SYTL3: variants seen among roughly 807,000 people sequenced by gnomAD.
The protein encoded by SYTL3 is synaptotagmin like 3, also known as synaptotagmin-like protein 3.
In SYTL3, 88 loss-of-function variants were observed where a neutral mutation model predicts 82.1. That is an observed-to-expected ratio of 1.07 (90% CI 0.90 to 1.28). The LOEUF (loss-of-function observed/expected upper bound fraction) is 1.28, where lower values mean the gene tolerates loss of function less well. SYTL3 is among the 50% of genes most tolerant of loss of function. The pLI is 0.00. For missense variants in SYTL3, 831 were observed against 757.6 expected (o/e 1.10, Z -1.14); for synonymous variants, 311 against 289.4 (o/e 1.07, Z -0.76).
chr6:158,700,203 C>T (rs1197552566), intron 6 of SYTL3, among the ~76,000 whole-genome samples: 1 of 152,080 alleles, frequency 6.6e-6, no homozygotes, highest in Non-Finnish European at 1.5e-5. Flanking sequence ...TTGCGGTGAG[C>T]CGAGATCGCA....
chr6:158,712,453 T>C (rs1782858812), intron 8 of SYTL3, among the ~76,000 whole-genome samples: 1 of 152,154 alleles, frequency 6.6e-6, no homozygotes, highest in Admixed American at 6.5e-5. Context: ...AGTCCACCCC[T>C]TGTCAACCTG....
intron 6 of SYTL3, among the ~76,000 whole-genome samples, chr6:158,699,461 A>G (rs981263328): frequency 3.3e-5 from 5 of 152,114 alleles, no homozygotes; most frequent in African/African-American, 1.2e-4. Flanking sequence ...AGGCTGAGAA[A>G]TGGATGCATA....
intron 4 of SYTL3, 83 bp from the exon 5 acceptor site, chr6:158,665,312 G>A (rs1789902062): frequency 2.3e-6 from 3 of 1,326,848 alleles, no homozygotes; most frequent in Admixed American, 2.2e-5. Context: ...CTTGCCATGG[G>A]GGTTACTGCC....
At chr6:158,685,213 TCTC>T (rs1779159129) in intron 6 of SYTL3, among the ~76,000 whole-genome samples, 1 of 144,342 alleles carries the variant, frequency 6.9e-6, no homozygotes, top group African/African-American at 2.8e-5. Flanking sequence ...TCTCTCTCTC[TCTC>T]TTTTTTTTTT....
Position 158,666,901 on chromosome 6 carries a change from C to T in SYTL3, c.329+1288C>T, listed in dbSNP as rs561285349. 2.2e-4 allele frequency among the ~76,000 whole-genome samples: 34 copies of T among 152,342 alleles called. 1 individual carries two copies. Among genetic ancestry groups the T allele is most frequent in the Admixed American group, 1.8e-3 (27 of 15,310 alleles). On this transcript the variant is annotated intron_variant, in intron 5 of 17. Transcript: ENST00000611299. The stretch of plus-strand genomic sequence containing the variant: ...CCATTTCGCTCACAGCGTGCCAAGT[C>T]GCACGGACGGTGGCCGAATTCGCCT...
At chr6:158,723,310 T>C (rs1451673196) in intron 10 of SYTL3, among the ~76,000 whole-genome samples, 1 of 151,456 alleles carries the variant, frequency 6.6e-6, no homozygotes, top group Non-Finnish European at 1.5e-5. Flanking sequence ...TCTCCTGACC[T>C]CGTGATCTGC....
intron 11 of SYTL3, among the ~76,000 whole-genome samples, chr6:158,732,631 C>T (rs1436118239): frequency 6.6e-6 from 1 of 152,218 alleles, no homozygotes; most frequent in African/African-American, 2.4e-5. Flanking sequence ...CATCCAGCCT[C>T]CATCTTCCAA....
At chr6:158,651,347 C>G (rs992449945) in intron 1 of SYTL3, among the ~76,000 whole-genome samples, 6 of 152,104 alleles carry the variant, frequency 3.9e-5, no homozygotes, top group Admixed American at 3.9e-4. Flanking sequence ...CATCTCAGCA[C>G]TTTGGGAGGC....
At chr6:158,678,494 A>G (rs554518335) in intron 5 of SYTL3, among the ~76,000 whole-genome samples, 1 of 152,316 alleles carries the variant, frequency 6.6e-6, no homozygotes, top group Non-Finnish European at 1.5e-5. Flanking sequence ...TGGTGTTAGT[A>G]ATGAGGTCAA....
Position 158,721,946 on chromosome 6 carries a change from T to G in SYTL3, c.721-3557T>G, listed in dbSNP as rs117255992. 7.0e-3 allele frequency among the ~76,000 whole-genome samples: 1,064 copies of G among 152,216 alleles called. 7 individuals are homozygous for G. The highest frequency in any genetic ancestry group is 0.012 in the Non-Finnish European group (821 of 67,996). On this transcript the variant is annotated intron_variant, in intron 10 of 17. Transcript: ENST00000611299. The stretch of plus-strand genomic sequence containing the variant: ...TGCGCCTGGTCCAGGAGTACGTCTT[T>G]AAATAGAACATTCATCAGACTGCAA...
chr6:158,740,946 C>A (rs1264200819), intron 11 of SYTL3, among the ~76,000 whole-genome samples: 2 of 152,280 alleles, frequency 1.3e-5, no homozygotes, highest in East Asian at 3.9e-4. Context: ...CTGCATCCTT[C>A]TGGTTGTGTT....
At position 158,680,575 on chromosome 6, in the gene SYTL3, C is replaced by CAAAAAAAAAAA. The variant is rs71297002; in HGVS notation, c.330-2341_330-2331dup. ...GCAACATAGCAAAACCCCGTCTCTA[C>CAAAAAAAAAAA]AAAAAAAAAAAAAAAAAAACACAAA... On this transcript the variant is annotated intron_variant, in intron 5 of 17. Transcript: ENST00000611299. Among the ~76,000 whole-genome samples, 122 of 78,202 alleles carry CAAAAAAAAAAA rather than the reference C, an allele frequency of 1.6e-3. 1 individual carries two copies. Among genetic ancestry groups the CAAAAAAAAAAA allele is most frequent in the Middle Eastern group, 8.9e-3 (1 of 112 alleles). 51.3% of individuals were successfully genotyped at this position (78,202 alleles called of 152,430 possible). A position where few individuals can be genotyped will look rare whatever the true frequency, so the allele number is the denominator to read the frequency against.
upstream of SYTL3, among the ~76,000 whole-genome samples, chr6:158,646,422 A>C (rs1203582410): frequency 6.6e-6 from 1 of 152,236 alleles, no homozygotes; most frequent in Non-Finnish European, 1.5e-5. Flanking sequence ...CTCCAGCCTC[A>C]GCCTCCCAAA....
chr6:158,668,807 G>A (rs1211343783), intron 5 of SYTL3, among the ~76,000 whole-genome samples: 1 of 152,140 alleles, frequency 6.6e-6, no homozygotes, highest in African/African-American at 2.4e-5. Context: ...AAAAGAGAAA[G>A]GTGAAAAGTG....
At chr6:158,760,820 T>TG (rs1789816106) in intron 15 of SYTL3, 75 bp downstream of exon 15, 1 of 1,241,730 alleles carries the variant, frequency 8.1e-7, no homozygotes, top group East Asian at 2.3e-5. Flanking sequence ...CAGACTGAGG[T>TG]GGGGTGAAAG....
At chr6:158,680,325 G>A (rs1000623839) in intron 5 of SYTL3, among the ~76,000 whole-genome samples, 1 of 152,050 alleles carries the variant, frequency 6.6e-6, no homozygotes, top group African/African-American at 2.4e-5. Flanking sequence ...TTGATGTAGG[G>A]GATTAGATAA....
At chr6:158,664,659 TGACATA>T (rs1406411332) in intron 4 of SYTL3, among the ~76,000 whole-genome samples, 4 of 152,200 alleles carry the variant, frequency 2.6e-5, no homozygotes, top group Non-Finnish European at 5.9e-5. Flanking sequence ...ATTAACAAAG[TGACATA>T]GACATAGTGA....
At chr6:158,673,329 T>C (rs1235587061) in intron 5 of SYTL3, among the ~76,000 whole-genome samples, 1 of 152,134 alleles carries the variant, frequency 6.6e-6, no homozygotes, top group African/African-American at 2.4e-5. Context: ...CTGCTCCCTC[T>C]TGGGTCTCCT....
intron 9 of SYTL3, among the ~76,000 whole-genome samples, chr6:158,717,719 G>A (rs550585558): frequency 1.8e-4 from 28 of 152,268 alleles, no homozygotes; most frequent in Non-Finnish European, 3.5e-4. Flanking sequence ...CTAGAAAGCC[G>A]GCTTGTTTGG....
Sources: gnomAD v4.1 joint callset for allele counts (sites outside exome capture counted in the v4.1 genomes callset) on GRCh38, gnomAD v4.1.1 for gene constraint, MANE v1.5 for transcripts, NCBI Gene and HGNC (gene_info 2026-07-23, HGNC 2026-07-21) for gene names.